The following MACROD2 variants were observed in gnomAD, a reference collection of about 807,000 sequenced individuals.
The protein encoded by MACROD2 is ADP-ribose glycohydrolase MACROD2.
MACROD2 carries 36 observed loss-of-function variants against 70.4 expected under a neutral mutation model. The observed-to-expected ratio is 0.51, with a 90% confidence interval of 0.39 to 0.68. The LOEUF is 0.68. MACROD2 is among the 30% of genes least tolerant of loss of function. MACROD2 has a pLI of 0.00. For missense variants in MACROD2, 496 were observed against 538.4 expected (o/e 0.92, Z 0.78); for synonymous variants, 172 against 178.8 (o/e 0.96, Z 0.30).
chr20:15,249,487 T>C (rs2077135417), intron 6 of MACROD2, among the ~76,000 whole-genome samples: 1 of 152,244 alleles, frequency 6.6e-6, no homozygotes, highest in South Asian at 2.1e-4. Context: ...TTAGAGATCT[T>C]AGAGGCTCCT....
chr20:15,687,692 T>C lies in MACROD2; in HGVS notation c.646-175053T>C, dbSNP rs562519222. ...CTTGACATACTCTGGTTTTCAAGTT[T>C]CAGGCTACAAATTTCTGTTCCTCTG... On this transcript the variant is annotated intron_variant, in intron 8 of 17. Coordinates refer to ENST00000684519, the MANE Select transcript of MACROD2 (RefSeq NM_001351661.2). 4.9e-4 allele frequency among the ~76,000 whole-genome samples: 74 copies of C among 152,288 alleles called. 2 individuals are homozygous for C. In the South Asian group the frequency reaches 0.014, roughly 29 times the overall value.
At chr20:14,906,326 T>C (rs1379652622) in intron 5 of MACROD2, among the ~76,000 whole-genome samples, 1 of 152,132 alleles carries the variant, frequency 6.6e-6, no homozygotes, top group Non-Finnish European at 1.5e-5. Flanking sequence ...AAACCCCGTC[T>C]CTACTAAAAA....
intron 8 of MACROD2, among the ~76,000 whole-genome samples, chr20:15,725,472 G>A (rs145065757): frequency 6.6e-6 from 1 of 152,032 alleles, no homozygotes; most frequent in East Asian, 1.9e-4. Flanking sequence ...TAGTTCTAGG[G>A]GTTTTTTTGT....
intron 5 of MACROD2, among the ~76,000 whole-genome samples, chr20:14,749,736 C>T (rs2123733782): frequency 6.6e-6 from 1 of 152,056 alleles, no homozygotes; most frequent in African/African-American, 2.4e-5. Context: ...GTTTTATTTA[C>T]TCATATAGGC....
At chr20:14,084,232 A>G (rs2054046675) in intron 2 of MACROD2, among the ~76,000 whole-genome samples, 1 of 151,808 alleles carries the variant, frequency 6.6e-6, no homozygotes, top group South Asian at 2.1e-4. Context: ...AAGACAATTT[A>G]GGTGACTCAT....
Position 15,536,114 on chromosome 20 carries a change from C to T in MACROD2, c.645+36267C>T, listed in dbSNP as rs2047871465. Among the ~76,000 whole-genome samples, 9 of 152,322 alleles carry T rather than the reference C, an allele frequency of 5.9e-5. No homozygotes were observed. In the South Asian group the frequency reaches 1.0e-3, roughly 18 times the overall value. On this transcript the variant is annotated intron_variant, in intron 8 of 17. Coordinates refer to ENST00000684519, the MANE Select transcript of MACROD2 (RefSeq NM_001351661.2). Reference sequence around the variant, plus strand: ...AGCCTTCCACACGATACCGTTCCCCCTCATCAGCACTTCTGATTTCCAGAG... The same window carrying T: ...AGCCTTCCACACGATACCGTTCCCCTTCATCAGCACTTCTGATTTCCAGAG...
At chr20:15,824,851 T>C (rs1035045874) in intron 8 of MACROD2, among the ~76,000 whole-genome samples, 3 of 152,234 alleles carry the variant, frequency 2.0e-5, no homozygotes, top group Non-Finnish European at 4.4e-5. Context: ...ATGCCTGGAA[T>C]AGACGCTCAT....
chr20:14,756,057 C>G (rs943500175), intron 5 of MACROD2, among the ~76,000 whole-genome samples: 1 of 152,008 alleles, frequency 6.6e-6, no homozygotes, highest in Non-Finnish European at 1.5e-5. Flanking sequence ...TTCATTGTTT[C>G]TCTCCCATTT....
At chr20:14,718,253 A>C (rs977397057) in intron 5 of MACROD2, among the ~76,000 whole-genome samples, 2 of 129,880 alleles carry the variant, frequency 1.5e-5, no homozygotes, top group Non-Finnish European at 3.1e-5. Context: ...AGATCACACC[A>C]CTGCACTCCA....
chr20:15,088,659 G>C (rs979046570), intron 5 of MACROD2, among the ~76,000 whole-genome samples: 1 of 151,558 alleles, frequency 6.6e-6, no homozygotes, highest in Admixed American at 6.6e-5. Context: ...CTGGAAGAGA[G>C]TTGCTGGGGA....
At chr20:14,939,970 G>A (rs941086846) in intron 5 of MACROD2, among the ~76,000 whole-genome samples, 2 of 151,662 alleles carry the variant, frequency 1.3e-5, no homozygotes, top group Non-Finnish European at 2.9e-5. Flanking sequence ...CAACTTTACG[G>A]AATTTGTTTA....
chr20:15,270,154 CTTTTTT>C (rs3045758), intron 6 of MACROD2, among the ~76,000 whole-genome samples: 2 of 118,316 alleles, frequency 1.7e-5, no homozygotes, highest in Admixed American at 8.5e-5. Flanking sequence ...CTGACACAGC[CTTTTTT>C]TTTTTTTTTT....
chr20:14,590,300 T>C (rs944613329), intron 4 of MACROD2, among the ~76,000 whole-genome samples: 2 of 152,116 alleles, frequency 1.3e-5, no homozygotes, highest in Admixed American at 6.5e-5. Context: ...AGATCATAGG[T>C]ATAACATAAA....
chr20:14,200,868 T>G (rs2081473826), intron 3 of MACROD2, among the ~76,000 whole-genome samples: 1 of 152,154 alleles, frequency 6.6e-6, no homozygotes, highest in Non-Finnish European at 1.5e-5. Context: ...TGTTTTTCTC[T>G]TAAAGTTCTA....
intron 3 of MACROD2, among the ~76,000 whole-genome samples, chr20:14,096,684 A>T (rs1380174005): frequency 6.6e-6 from 1 of 152,196 alleles, no homozygotes; most frequent in Admixed American, 6.5e-5. Context: ...CAGTCTTTGC[A>T]TATATGCCAT....
intron 4 of MACROD2, among the ~76,000 whole-genome samples, chr20:14,535,855 A>G (rs757817467): frequency 1.6e-4 from 24 of 152,198 alleles, no homozygotes; most frequent in Admixed American, 1.1e-3. Context: ...GAATTTGTAG[A>G]AGATTTCACT....
At chr20:14,863,391 C>A (rs1046810197) in intron 5 of MACROD2, among the ~76,000 whole-genome samples, 1 of 152,074 alleles carries the variant, frequency 6.6e-6, no homozygotes, top group Non-Finnish European at 1.5e-5. Flanking sequence ...TAAAGGAGGG[C>A]AGGGGTGAGG....
At chr20:14,504,304 A>T (rs2084946631) in intron 4 of MACROD2, among the ~76,000 whole-genome samples, 1 of 152,228 alleles carries the variant, frequency 6.6e-6, no homozygotes, top group South Asian at 2.1e-4. Context: ...TTATCTCAAT[A>T]TTCTGAGTAG....
chr20:15,683,936 G>A (rs1007546048), intron 8 of MACROD2, among the ~76,000 whole-genome samples: 14 of 152,006 alleles, frequency 9.2e-5, no homozygotes, highest in Non-Finnish European at 1.9e-4. Context: ...TATTAATTTT[G>A]TTTCAAAATG....
Sources: gnomAD v4.1 joint callset for allele counts (sites outside exome capture counted in the v4.1 genomes callset) on GRCh38, gnomAD v4.1.1 for gene constraint, MANE v1.5 for transcripts, NCBI Gene and HGNC (gene_info 2026-07-23, HGNC 2026-07-21) for gene names.